The following MAP3K20 variants were observed in gnomAD, a reference collection of about 807,000 sequenced individuals.
MAP3K20 encodes HCCS-4.
MAP3K20 carries 40 observed loss-of-function variants against 85.7 expected under a neutral mutation model. The ratio of observed to expected loss-of-function variants is 0.47; its 90% CI spans 0.36 to 0.61. MAP3K20 has a LOEUF of 0.61. MAP3K20 is among the 20% of genes least tolerant of loss of function. MAP3K20 has a pLI of 0.00. For synonymous variants in MAP3K20, 325 were observed against 327.7 expected (o/e 0.99, Z 0.09); for missense variants, 817 against 961.7 (o/e 0.85, Z 1.99).
chr2:173,216,654 G>T (rs1684082463), intron 10 of MAP3K20, among the ~76,000 whole-genome samples: 1 of 152,172 alleles, frequency 6.6e-6, no homozygotes, highest in Non-Finnish European at 1.5e-5. Flanking sequence ...CTCAGCCAAT[G>T]TGTAGCCTAA....
intron 2 of MAP3K20, among the ~76,000 whole-genome samples, chr2:173,098,696 C>A (rs894211463): frequency 5.9e-5 from 9 of 152,180 alleles, no homozygotes; most frequent in African/African-American, 2.2e-4. Flanking sequence ...CTCCACATGC[C>A]TAGTCTCTTC....
At chr2:173,228,539 T>G (rs1261774472) in intron 11 of MAP3K20, among the ~76,000 whole-genome samples, 1 of 152,216 alleles carries the variant, frequency 6.6e-6, no homozygotes. Context: ...TTTAATTTTA[T>G]TCATTCTTTA....
intron 16 of MAP3K20, among the ~76,000 whole-genome samples, chr2:173,255,400 T>C (rs184087901): frequency 6.6e-6 from 1 of 152,336 alleles, no homozygotes; most frequent in Admixed American, 6.5e-5. Context: ...CTTGTGCTGA[T>C]GTCAACCACG....
intron 9 of MAP3K20, 160 bp from the exon 10 acceptor site, chr2:173,209,569 T>C: frequency 5.2e-6 from 3 of 573,166 alleles, no homozygotes; most frequent in Non-Finnish European, 9.0e-6. Flanking sequence ...TAAACCTGAG[T>C]GATCTGATGA....
intron 2 of MAP3K20, among the ~76,000 whole-genome samples, chr2:173,139,140 A>T (rs531117291): frequency 6.6e-6 from 1 of 152,366 alleles, no homozygotes; most frequent in Admixed American, 6.5e-5. Context: ...CAAATGATGA[A>T]GCAAGTGTGT....
intron 10 of MAP3K20, among the ~76,000 whole-genome samples, chr2:173,215,244 C>T (rs1205236306): frequency 6.6e-6 from 1 of 151,626 alleles, no homozygotes; most frequent in Non-Finnish European, 1.5e-5. Flanking sequence ...ATGCTGTCCC[C>T]AGGCCTCTGC....
intron 12 of MAP3K20, 50 bp from the exon 13 acceptor site, chr2:173,232,142 C>T (rs1684536437): frequency 6.2e-7 from 1 of 1,610,520 alleles, no homozygotes; most frequent in Admixed American, 1.7e-5. Context: ...GAAGACTGGC[C>T]ACTGACCATG....
intron 9 of MAP3K20, among the ~76,000 whole-genome samples, chr2:173,208,100 T>C (rs1683750441): frequency 6.6e-6 from 1 of 152,150 alleles, no homozygotes; most frequent in Non-Finnish European, 1.5e-5. Flanking sequence ...CTTATGCAAA[T>C]GATTAAAACA....
intron 16 of MAP3K20, among the ~76,000 whole-genome samples, chr2:173,240,192 G>A (rs941387458): frequency 6.6e-6 from 1 of 152,160 alleles, no homozygotes; most frequent in Non-Finnish European, 1.5e-5. Flanking sequence ...CTTGCCCAAG[G>A]GTTACATGGC....
In MAP3K20 at chr2:173,239,231, A is replaced by G. The variant is rs1684723705; in HGVS notation, c.1267-173A>G. Reference sequence around the variant, plus strand: ...ATTTGGCAAAGTCCTGAAAGGCATAATATGTCATTTCTGTTGGTTGATGTA... The same window carrying G: ...ATTTGGCAAAGTCCTGAAAGGCATAGTATGTCATTTCTGTTGGTTGATGTA... On this transcript the variant is annotated intron_variant, in intron 15 of 19. Coordinates refer to ENST00000375213, the MANE Select transcript of MAP3K20 (RefSeq NM_016653.3). Among the ~76,000 whole-genome samples the G allele has an allele frequency of 1.3e-5, 2 of 152,132 alleles. 1 individual carries two copies. The highest frequency in any genetic ancestry group is 4.8e-5 in the African/African-American group (2 of 41,432).
rs56960695 is a variant in MAP3K20 at position 173,262,225 on chromosome 2, G to A, written c.1551+1088G>A. 2.6e-3 allele frequency among the ~76,000 whole-genome samples: 399 copies of A among 152,198 alleles called. 3 individuals are homozygous for A. The highest frequency in any genetic ancestry group is 9.3e-3 in the African/African-American group (384 of 41,506). Reference sequence around the variant, plus strand: ...CTCCCAGTGGCTGCAGTAAGATGAAGTCCACCTCAAAGAGGACTCTGTGAG... The same window carrying A: ...CTCCCAGTGGCTGCAGTAAGATGAAATCCACCTCAAAGAGGACTCTGTGAG... On this transcript the variant is annotated intron_variant, in intron 18 of 19. Transcript: ENST00000375213.
At chr2:173,257,907 G>A (rs534871737) in intron 16 of MAP3K20, among the ~76,000 whole-genome samples, 1 of 151,982 alleles carries the variant, frequency 6.6e-6, no homozygotes, top group South Asian at 2.1e-4. Context: ...GGTAACGAAT[G>A]GTGTAAAGCA....
At chr2:173,139,297 G>T (rs1443945301) in intron 2 of MAP3K20, among the ~76,000 whole-genome samples, 1 of 152,078 alleles carries the variant, frequency 6.6e-6, no homozygotes, top group Non-Finnish European at 1.5e-5. Flanking sequence ...AATGTCCTCC[G>T]AAACATTACT....
Position 173,266,075 on chromosome 2 carries a change from T to C in MAP3K20, c.1728T>C (p.Thr576=), listed in dbSNP as rs1490107490. The C allele has an allele frequency of 5.0e-6, 8 of 1,584,270 alleles. No individual in the cohort carries two copies. In the South Asian group the frequency reaches 5.7e-5, roughly 11 times the overall value. Residue 576 remains threonine, a synonymous_variant, in exon 20 of 20, where the codon ACT becomes ACC. Coordinates refer to ENST00000375213, the MANE Select transcript of MAP3K20 (RefSeq NM_016653.3). ...DSSADCQWLD[T]LRMRQIASNT... ...GTGCTGATTGCCAGTGGTTAGATAC[T>C]CTGAGGATGCGGCAGATTGCATCCA...
chr2:173,196,731 A>G (rs1055657647), intron 7 of MAP3K20, among the ~76,000 whole-genome samples: 2 of 152,146 alleles, frequency 1.3e-5, no homozygotes, highest in Non-Finnish European at 1.5e-5. Flanking sequence ...TCCTATTAGA[A>G]ATGAGCTTTT....
chr2:173,106,149 T>C (rs1687777114), intron 2 of MAP3K20, among the ~76,000 whole-genome samples: 1 of 152,188 alleles, frequency 6.6e-6, no homozygotes, highest in Non-Finnish European at 1.5e-5. Context: ...TAATCCCAAA[T>C]CATAACACAC....
chr2:173,250,019 C>G (rs992579240), intron 16 of MAP3K20, among the ~76,000 whole-genome samples: 2 of 152,162 alleles, frequency 1.3e-5, no homozygotes, highest in African/African-American at 4.8e-5. Flanking sequence ...TCTGCCCTGA[C>G]CTTAGACACA....
At chr2:173,084,855 T>C (rs935878492) in intron 1 of MAP3K20, among the ~76,000 whole-genome samples, 7 of 152,196 alleles carry the variant, frequency 4.6e-5, no homozygotes, top group African/African-American at 1.4e-4. Context: ...CTGGTATTAT[T>C]GCCAGTGAGA....
At chr2:173,089,305 A>G (rs1190378030) in intron 1 of MAP3K20, among the ~76,000 whole-genome samples, 3 of 151,946 alleles carry the variant, frequency 2.0e-5, no homozygotes, top group Admixed American at 6.6e-5. Context: ...CTCTATTCCT[A>G]TGTACTTTTT....
Sources: allele counts gnomAD v4.1 joint callset (sites outside exome capture counted in the v4.1 genomes callset), GRCh38; gene constraint gnomAD v4.1.1; transcripts MANE v1.5; gene names NCBI Gene and HGNC (gene_info 2026-07-23, HGNC 2026-07-21).